Variants in MMP26 observed in about 807,000 individuals in gnomAD.
MMP26 encodes the protein matrix metalloproteinase-26.
MMP26 carries 33 observed loss-of-function variants against 31.0 expected under a neutral mutation model. The observed-to-expected ratio is 1.06, with a 90% CI of 0.81 to 1.42. MMP26 has a LOEUF of 1.42. Ranked by LOEUF, MMP26 falls within the 40% of genes most tolerant of loss-of-function variation. MMP26 has a pLI of 0.00. For missense variants in MMP26, 347 were observed against 316.1 expected, an observed-to-expected ratio of 1.10 and a Z score of -0.74; for synonymous variants, 122 against 114.9, an observed-to-expected ratio of 1.06 and a Z score of -0.40.
chr11:4,839,794 C>A (rs893247049), intron 2 of MMP26, among the ~76,000 whole-genome samples: 6 of 151,780 alleles, frequency 4.0e-5, no homozygotes, highest in African/African-American at 1.5e-4. Context: ...GAGACTCCTT[C>A]TGCTTGAGGG....
intron 1 of MMP26, among the ~76,000 whole-genome samples, chr11:4,737,850 T>G (rs2133289794): frequency 6.6e-6 from 1 of 152,316 alleles, no homozygotes; most frequent in East Asian, 1.9e-4. Context: ...TTAAGAAAAA[T>G]ATACATGTAT....
At chr11:4,742,930 A>C (rs576354798) in intron 1 of MMP26, among the ~76,000 whole-genome samples, 1 of 152,300 alleles carries the variant, frequency 6.6e-6, no homozygotes, top group Non-Finnish European at 1.5e-5. Context: ...GCAAGATAAA[A>C]AATTAGAGAG....
At chr11:4,879,814 A>G (rs1220241634) in intron 2 of MMP26, among the ~76,000 whole-genome samples, 1 of 152,132 alleles carries the variant, frequency 6.6e-6, no homozygotes, top group Non-Finnish European at 1.5e-5. Flanking sequence ...AATGGCCAGG[A>G]GAGTAATGAG....
intron 1 of MMP26, among the ~76,000 whole-genome samples, chr11:4,716,027 A>G (rs1021006584): frequency 2.0e-5 from 3 of 152,188 alleles, no homozygotes; most frequent in Non-Finnish European, 2.9e-5. Context: ...AAGACCTAAG[A>G]TGTCATATTG....
At chr11:4,762,442 G>T (rs1308610273) in intron 1 of MMP26, among the ~76,000 whole-genome samples, 1 of 151,994 alleles carries the variant, frequency 6.6e-6, no homozygotes. Flanking sequence ...ATACAGTTTT[G>T]CAAACTGAAA....
chr11:4,860,107 CG>C (rs1564795638), intron 2 of MMP26: 6 of 470,944 alleles, frequency 1.3e-5, no homozygotes, highest in South Asian at 9.3e-5. Flanking sequence ...ACAGACTGCC[CG>C]GGTGAGGACA....
chr11:4,943,291 T>G, intron 2 of MMP26: 1 of 293,374 alleles, frequency 3.4e-6, no homozygotes. Flanking sequence ...TTTGTACACT[T>G]TCATGTGTGA....
intron 1 of MMP26, among the ~76,000 whole-genome samples, chr11:4,728,598 A>G (rs1262554153): frequency 6.6e-6 from 1 of 152,156 alleles, no homozygotes; most frequent in Non-Finnish European, 1.5e-5. Flanking sequence ...TAAAAAGGAT[A>G]CTTTAATTAG....
intron 2 of MMP26, among the ~76,000 whole-genome samples, chr11:4,775,365 A>G (rs183212308): frequency 6.6e-6 from 1 of 152,128 alleles, no homozygotes; most frequent in Non-Finnish European, 1.5e-5. Flanking sequence ...TTGTATTCCT[A>G]GATATTTTAT....
intron 2 of MMP26, chr11:4,972,809 G>A (rs1409674423): frequency 6.6e-6 from 1 of 152,176 alleles, no homozygotes; most frequent in Non-Finnish European, 1.5e-5. Context: ...AGATTTGCAA[G>A]TTTGATTCTT....
chr11:4,857,104 C>T (rs1850065024), intron 2 of MMP26, among the ~76,000 whole-genome samples: 1 of 151,918 alleles, frequency 6.6e-6, no homozygotes, highest in Admixed American at 6.6e-5. Context: ...GCACTAAATG[C>T]CCACAAGAGA....
rs147669256 is a variant in MMP26 at position 4,777,698 on chromosome 11, T to C, written c.-145+10357T>C. ...TAGTTTTGCCTGTTTTTGGATGTTA[T>C]CTGATTGGATCAGTGCTGTATTTAT... On this transcript the variant is annotated intron_variant, in intron 2 of 7. Coordinates refer to ENST00000380390, the MANE Select transcript of MMP26 (RefSeq NM_021801.5). Among the ~76,000 whole-genome samples, 30 of 152,256 alleles carry C rather than the reference T, an allele frequency of 2.0e-4. No individual in the cohort carries two copies. In the East Asian group the frequency reaches 4.6e-3, roughly 23 times the overall value.
intron 1 of MMP26, among the ~76,000 whole-genome samples, chr11:4,725,785 G>A (rs1472194181): frequency 6.6e-6 from 1 of 152,214 alleles, no homozygotes; most frequent in Non-Finnish European, 1.5e-5. Flanking sequence ...ATCAGAAAAA[G>A]GGAGAGTTTC....
chr11:4,974,430 C>T (rs767942247), intron 2 of MMP26, among the ~76,000 whole-genome samples: 19 of 151,896 alleles, frequency 1.3e-4, no homozygotes, highest in East Asian at 3.9e-4. Flanking sequence ...TTCCTTTCCT[C>T]GAATCTTTTA....
chr11:4,908,560 G>A, intron 2 of MMP26: 1 of 509,654 alleles, frequency 2.0e-6, no homozygotes, highest in Non-Finnish European at 3.5e-6. Context: ...TGATGGAGCA[G>A]CTGGATTTGA....
At position 4,923,442 on chromosome 11, in the gene MMP26, G is replaced by A. The variant is rs780978199; in HGVS notation, c.-144-64626G>A. ...TTCTTAATGATGCGCTGGCGAATTT[G>A]CTTGGTCTTGATGCTGTAGATGATG... On this transcript the variant is annotated intron_variant, in intron 2 of 7. Coordinates refer to ENST00000380390, the MANE Select transcript of MMP26 (RefSeq NM_021801.5). 4.4e-5 allele frequency: 70 copies of A among 1,602,384 alleles called. 2 individuals are homozygous for A. The South Asian group carries it at 7.6e-4, about 17-fold the overall frequency.
At chr11:4,777,552 A>G (rs1401899804) in intron 2 of MMP26, among the ~76,000 whole-genome samples, 2 of 152,164 alleles carry the variant, frequency 1.3e-5, no homozygotes, top group African/African-American at 4.8e-5. Context: ...CATCCATGTT[A>G]CCACCATCCA....
chr11:4,957,036 C>T (rs1360272597), intron 2 of MMP26, among the ~76,000 whole-genome samples: 4 of 152,074 alleles, frequency 2.6e-5, no homozygotes, highest in African/African-American at 9.7e-5. Flanking sequence ...TGTTTAAGAT[C>T]ACAGAAGTGT....
At chr11:4,923,969 C>T (rs34742470) in intron 2 of MMP26, 183,951 of 1,613,928 alleles carry the variant, frequency 0.11, 11,662 homozygotes, top group Middle Eastern at 0.14. Context: ...GGCCACGTAG[C>T]GGTCAATGGA....
Sources: allele counts gnomAD v4.1 joint callset (sites outside exome capture counted in the v4.1 genomes callset), GRCh38; gene constraint gnomAD v4.1.1; transcripts MANE v1.5; gene names NCBI Gene and HGNC (gene_info 2026-07-23, HGNC 2026-07-21).